The following MED13 variants were observed in gnomAD, a reference collection of about 807,000 sequenced individuals.
The protein encoded by MED13 is mediator of RNA polymerase II transcription subunit 13.
A neutral mutation model predicts 225.2 loss-of-function variants in MED13; 23 were observed. The ratio of observed to expected loss-of-function variants is 0.10; its 90% CI spans 0.07 to 0.14. The LOEUF (loss-of-function observed/expected upper bound fraction) is 0.14. Ranked by LOEUF, MED13 falls within the 10% of genes least tolerant of loss-of-function variation. The probability of loss-of-function intolerance (pLI) is 1.00; values close to 1 mark genes in which losing one functional copy is unlikely to be tolerated. For missense variants in MED13, 2,197 were observed against 2,594.5 expected, an observed-to-expected ratio of 0.85 and a Z score of 3.33; for synonymous variants, 942 against 889.2, an observed-to-expected ratio of 1.06 and a Z score of -1.06.
intron 16 of MED13, among the ~76,000 whole-genome samples, chr17:61,975,837 G>A (rs2080150793): frequency 6.6e-6 from 1 of 152,136 alleles, no homozygotes; most frequent in Non-Finnish European, 1.5e-5. Flanking sequence ...CCAACATGGT[G>A]AAACCCCATT....
intron 21 of MED13, among the ~76,000 whole-genome samples, chr17:61,962,273 A>T (rs1446749723): frequency 1.3e-5 from 2 of 152,214 alleles, no homozygotes; most frequent in African/African-American, 4.8e-5. Flanking sequence ...CGACAGAGCG[A>T]GACTCTGTCT....
intron 17 of MED13, 79 bp from the exon 18 acceptor site, chr17:61,968,337 AT>A: frequency 9.6e-7 from 1 of 1,040,354 alleles, no homozygotes; most frequent in Non-Finnish European, 1.3e-6. Flanking sequence ...TTATTTATTT[AT>A]TTTTTGAGAC....
At chr17:61,978,161 T>C (rs949234843) in intron 16 of MED13, among the ~76,000 whole-genome samples, 1 of 152,174 alleles carries the variant, frequency 6.6e-6, no homozygotes, top group African/African-American at 2.4e-5. Flanking sequence ...CTTTTTTTTT[T>C]TTTCTTCAGA....
chr17:61,962,781 G>A lies in MED13; in HGVS notation c.5035C>T (p.Pro1679Ser), dbSNP rs533216011. Reference sequence around the variant, plus strand: ...ACAGAAACAGTACTCTTGATATGAGGAGGAAGAGTCTGGACCATTTCTAGA... The same window carrying A: ...ACAGAAACAGTACTCTTGATATGAGAAGGAAGAGTCTGGACCATTTCTAGA... ...CFLEMVQTLP[P>S]HIKSTVSVQI... Residue 1679 changes from proline (P) to serine (S), a missense_variant, in exon 21 of 30, where the codon CCT becomes TCT. Pro to Ser is a moderately conservative substitution (Grantham distance 74, BLOSUM62 -1). Around this residue, in one of 12 missense-constraint regions of MED13, gnomAD observed 457 missense variants for 442.2 expected, o/e 1.03. Transcript: ENST00000397786. 2.5e-6 allele frequency: 4 copies of A among 1,613,992 alleles called. No individual in the cohort carries two copies. The African/African-American group carries it at 5.3e-5, about 22-fold the overall frequency.
intron 3 of MED13, among the ~76,000 whole-genome samples, chr17:62,037,912 T>C (rs186169959): frequency 1.5e-5 from 2 of 132,846 alleles, no homozygotes; most frequent in African/African-American, 5.7e-5. Flanking sequence ...GTTGAGATCT[T>C]GCCACTGCAC....
At chr17:62,018,114 C>T (rs2080600700) in intron 8 of MED13, among the ~76,000 whole-genome samples, 1 of 152,048 alleles carries the variant, frequency 6.6e-6, no homozygotes, top group Non-Finnish European at 1.5e-5. Flanking sequence ...CAGTTGGTAC[C>T]ACTGCAATAT....
chr17:61,955,818 G>C lies in MED13; in HGVS notation c.5644C>G (p.Arg1882Gly). The C allele has an allele frequency of 6.8e-7, 1 of 1,478,038 alleles. No homozygotes were observed. The highest frequency in any genetic ancestry group is 9.0e-7 in the Non-Finnish European group (1 of 1,110,522). 91.6% of individuals were successfully genotyped at this position (1,478,038 alleles called of 1,614,324 possible). A position where few individuals can be genotyped will look rare whatever the true frequency, so the allele number is the denominator to read the frequency against. The change falls in exon 25 of 30, where the codon CGT (arginine) becomes GGT (glycine). Residue 1882 changes from arginine (R) to glycine (G), a missense_variant. Physicochemically the swap from Arg to Gly is moderately radical, Grantham distance 125 (BLOSUM62 -2). Around this residue, in one of 12 missense-constraint regions of MED13, gnomAD observed 216 missense variants for 388.9 expected, o/e 0.56. Transcript: ENST00000397786. ...TTACTTAGAGACTGCAAGTTTCGAC[G>C]ACTCAGCAAACAGCTCCAATCTGTG... ...ELKDWSCLLS[R>G]RNLQSLSKRL...
intron 12 of MED13, among the ~76,000 whole-genome samples, chr17:61,986,444 A>T (rs1310654421): frequency 6.6e-6 from 1 of 152,162 alleles, no homozygotes; most frequent in Non-Finnish European, 1.5e-5. Flanking sequence ...CATTCTAGGG[A>T]ATCTCATTTT....
chr17:61,961,208 A>C, intron 22 of MED13, 118 bp from the exon 23 acceptor site: 2 of 922,830 alleles, frequency 2.2e-6, no homozygotes, highest in Non-Finnish European at 3.2e-6. Context: ...AGCTAAGCCA[A>C]AAATTGCACT....
intron 8 of MED13, among the ~76,000 whole-genome samples, chr17:62,028,437 C>T (rs961651867): frequency 5.3e-5 from 8 of 152,082 alleles, no homozygotes; most frequent in African/African-American, 1.9e-4. Context: ...AAAGTAACTA[C>T]TGGGTACTAG....
intron 17 of MED13, among the ~76,000 whole-genome samples, chr17:61,972,104 T>C (rs1419761051): frequency 6.6e-6 from 1 of 152,130 alleles, no homozygotes; most frequent in African/African-American, 2.4e-5. Flanking sequence ...ACATTCCAAA[T>C]CCATACACAA....
At chr17:61,961,489 C>T (rs1166959488) in intron 22 of MED13, 99 bp downstream of exon 22, 4 of 1,141,662 alleles carry the variant, frequency 3.5e-6, no homozygotes, top group Non-Finnish European at 4.8e-6. Flanking sequence ...CACTGCACTC[C>T]AGCCTGGGTG....
At chr17:61,970,454 G>A (rs898569443) in intron 17 of MED13, among the ~76,000 whole-genome samples, 8 of 152,108 alleles carry the variant, frequency 5.3e-5, no homozygotes, top group African/African-American at 1.9e-4. Flanking sequence ...GCCTAGGTAG[G>A]TGGATCACTT....
chr17:61,989,487 C>A (rs780728832), intron 11 of MED13, among the ~76,000 whole-genome samples: 1 of 151,920 alleles, frequency 6.6e-6, no homozygotes, highest in Non-Finnish European at 1.5e-5. Context: ...TACAGGTGCA[C>A]GCCACCACAC....
chr17:61,983,166 T>C (rs1269710442), intron 15 of MED13, 52 bp from the exon 16 acceptor site: 7 of 1,381,050 alleles, frequency 5.1e-6, no homozygotes, highest in Non-Finnish European at 6.7e-6. Context: ...AGGAACATAT[T>C]AGTAATGTGA....
Position 61,946,958 on chromosome 17 carries a change from G to C in MED13, c.6351C>G (p.His2117Gln), listed in dbSNP as rs1253743619. The stretch of plus-strand genomic sequence containing the variant: ...TCTGATTTGAGTCAAGTGGGTGGGA[G>C]TGTTTACTGTGAAGCAGCTCGTCAG... The part of the protein sequence containing the change: ...VQSDELLHSK[H>Q]SHPLDSNQTS... The change falls in exon 29 of 30, where the codon CAC becomes CAG. Residue 2117 changes from histidine (H) to glutamine (Q), a missense_variant. By Grantham distance (24) the His-to-Gln change is conservative. Around this residue, in one of 12 missense-constraint regions of MED13, gnomAD observed 216 missense variants for 388.9 expected, o/e 0.56. Coordinates refer to ENST00000397786, the MANE Select transcript of MED13 (RefSeq NM_005121.3). 6.2e-7 allele frequency: 1 copy of C among 1,614,002 alleles called. No individual in the cohort carries two copies. The highest frequency in any genetic ancestry group is 1.3e-5 in the African/African-American group (1 of 74,922).
At chr17:61,958,617 G>A (rs955639008) in intron 23 of MED13, among the ~76,000 whole-genome samples, 6 of 151,980 alleles carry the variant, frequency 3.9e-5, no homozygotes, top group Admixed American at 2.0e-4. Context: ...GATTACAGGC[G>A]TGAGCCACCA....
At chr17:61,969,498 A>G (rs2080088452) in intron 17 of MED13, among the ~76,000 whole-genome samples, 1 of 152,166 alleles carries the variant, frequency 6.6e-6, no homozygotes, top group Non-Finnish European at 1.5e-5. Flanking sequence ...ATAGTGAGAC[A>G]CCATCCTTAT....
At chr17:62,011,526 TTAAATA>T (rs1461630487) in intron 8 of MED13, among the ~76,000 whole-genome samples, 18 of 152,196 alleles carry the variant, frequency 1.2e-4, no homozygotes, top group Admixed American at 1.2e-3. Context: ...AGTATCTAAT[TTAAATA>T]TAGAGGTAAG....
Sources: allele counts gnomAD v4.1 joint callset (sites outside exome capture counted in the v4.1 genomes callset), GRCh38; gene constraint gnomAD v4.1.1; regional missense constraint gnomAD v4.1.1; transcripts MANE v1.5; gene names NCBI Gene and HGNC (gene_info 2026-07-23, HGNC 2026-07-21).